Variants in BMPER observed in about 807,000 individuals in gnomAD.
The protein encoded by BMPER is BMP binding endothelial regulator.
BMPER carries 45 observed loss-of-function variants against 87.3 expected under a neutral mutation model. The ratio of observed to expected loss-of-function variants is 0.52; its 90% CI spans 0.41 to 0.66. BMPER has a LOEUF of 0.66. BMPER is among the 30% of genes least tolerant of loss of function. The pLI is 0.00. For synonymous variants in BMPER, 326 were observed against 316.2 expected (o/e 1.03, Z -0.33); for missense variants, 784 against 867.5 (o/e 0.90, Z 1.21).
At chr7:33,960,216 C>T (rs1462744420) in intron 3 of BMPER, among the ~76,000 whole-genome samples, 2 of 152,060 alleles carry the variant, frequency 1.3e-5, no homozygotes, top group Non-Finnish European at 2.9e-5. Flanking sequence ...TCCCATTAGC[C>T]AAAAATAAGC....
At chr7:34,103,312 C>T (rs1359746861) in intron 13 of BMPER, among the ~76,000 whole-genome samples, 1 of 152,186 alleles carries the variant, frequency 6.6e-6, no homozygotes, top group African/African-American at 2.4e-5. Flanking sequence ...GGACCTGGCA[C>T]TTCTGCTCCC....
chr7:34,048,039 T>C, intron 7 of BMPER, among the ~76,000 whole-genome samples: 1 of 151,882 alleles, frequency 6.6e-6, no homozygotes. Context: ...TTTGTGAGAA[T>C]TTTACTGATT....
intron 12 of BMPER, among the ~76,000 whole-genome samples, chr7:34,083,968 A>T (rs1247511619): frequency 6.6e-6 from 1 of 151,706 alleles, no homozygotes; most frequent in Non-Finnish European, 1.5e-5. Context: ...CAAAATGAAA[A>T]ATGTTTTTGT....
chr7:33,927,266 CTTG>C (rs941173101), intron 2 of BMPER, among the ~76,000 whole-genome samples: 3 of 152,156 alleles, frequency 2.0e-5, no homozygotes, highest in Non-Finnish European at 2.9e-5. Context: ...GGCTCTGTGG[CTTG>C]TTGTTGACCC....
intron 13 of BMPER, among the ~76,000 whole-genome samples, chr7:34,140,567 CAG>C (rs1408222652): frequency 6.6e-6 from 1 of 152,170 alleles, no homozygotes; most frequent in Non-Finnish European, 1.5e-5. Context: ...TCTGTGGAGA[CAG>C]AGGGACCTGT....
chr7:33,913,154 G>A (rs1441373006), intron 2 of BMPER, among the ~76,000 whole-genome samples: 3 of 152,290 alleles, frequency 2.0e-5, no homozygotes, highest in South Asian at 2.1e-4. Context: ...ATCTGGGACC[G>A]TGATGTGGGA....
At chr7:34,028,616 T>G (rs1011134015) in intron 6 of BMPER, among the ~76,000 whole-genome samples, 5 of 133,212 alleles carry the variant, frequency 3.8e-5, no homozygotes, top group East Asian at 2.1e-4. Flanking sequence ...TTTTTTTTTT[T>G]TTTTTTTTTT....
intron 6 of BMPER, among the ~76,000 whole-genome samples, chr7:34,002,367 C>T (rs1347411634): frequency 1.3e-5 from 2 of 151,452 alleles, no homozygotes; most frequent in African/African-American, 4.8e-5. Flanking sequence ...ATGATTTTGC[C>T]CAACTGTAGG....
chr7:34,114,080 G>A (rs1236707281), intron 13 of BMPER, among the ~76,000 whole-genome samples: 3 of 152,094 alleles, frequency 2.0e-5, no homozygotes, highest in African/African-American at 7.2e-5. Context: ...AATAAGCTTG[G>A]GTTTCCATTT....
intron 2 of BMPER, among the ~76,000 whole-genome samples, chr7:33,927,824 A>C (rs768342920): frequency 1.3e-5 from 2 of 152,204 alleles, no homozygotes; most frequent in Non-Finnish European, 2.9e-5. Context: ...AATGTGGTTC[A>C]TCATCTTCTA....
chr7:33,985,167 A>G (rs746957318), intron 6 of BMPER, among the ~76,000 whole-genome samples: 1 of 152,262 alleles, frequency 6.6e-6, no homozygotes, highest in African/African-American at 2.4e-5. Flanking sequence ...CAAAAAGCCT[A>G]GATATATTGA....
At chr7:34,104,305 G>C (rs995646539) in intron 13 of BMPER, among the ~76,000 whole-genome samples, 1 of 152,128 alleles carries the variant, frequency 6.6e-6, no homozygotes, top group Non-Finnish European at 1.5e-5. Flanking sequence ...CTTCCCTCAA[G>C]AGAGATAAGC....
chr7:33,919,671 T>G (rs1321679296), intron 2 of BMPER, among the ~76,000 whole-genome samples: 1 of 152,238 alleles, frequency 6.6e-6, no homozygotes, highest in Non-Finnish European at 1.5e-5. Flanking sequence ...ACACATTTAT[T>G]GAGCATTTAT....
intron 6 of BMPER, among the ~76,000 whole-genome samples, chr7:33,994,549 C>A (rs920247969): frequency 5.9e-5 from 9 of 152,172 alleles, no homozygotes; most frequent in African/African-American, 2.2e-4. Flanking sequence ...GAACCCGGTG[C>A]CTCAGATGGA....
At chr7:33,978,632 A>G (rs1378515021) in intron 6 of BMPER, among the ~76,000 whole-genome samples, 1 of 152,184 alleles carries the variant, frequency 6.6e-6, no homozygotes, top group Non-Finnish European at 1.5e-5. Flanking sequence ...TTTAGCAGCA[A>G]GAGGAAGAAA....
At chr7:34,051,447 C>T (rs2127960235) in intron 7 of BMPER, among the ~76,000 whole-genome samples, 1 of 152,288 alleles carries the variant, frequency 6.6e-6, no homozygotes, top group South Asian at 2.1e-4. Flanking sequence ...ATTATATCTT[C>T]CAAGAATTCT....
chr7:33,906,966 A>G (rs1284251255), intron 2 of BMPER, 63 bp downstream of exon 2: 5 of 1,388,124 alleles, frequency 3.6e-6, no homozygotes, highest in Non-Finnish European at 5.1e-6. Flanking sequence ...AATCCATTAA[A>G]TGTGATAATA....
rs79420506 is a variant in BMPER at position 34,011,978 on chromosome 7, G to A, written c.577-34328G>A. ...AGAGTTGAATGTCATGCAGCAGTTG[G>A]GAAAGCCTCAAAATAGCAACAATGA... is the stretch of plus-strand genomic sequence containing the variant. On this transcript the variant is annotated intron_variant, in intron 6 of 14. Coordinates refer to ENST00000649409, the MANE Select transcript of BMPER (RefSeq NM_001365308.1). Among the ~76,000 whole-genome samples the A allele has an allele frequency of 2.6e-3, 397 of 151,898 alleles. 2 individuals carry two copies. Among genetic ancestry groups the A allele is most frequent in the African/African-American group, 9.0e-3 (375 of 41,506 alleles).
chr7:34,102,357 A>G (rs1789703808), intron 13 of BMPER, among the ~76,000 whole-genome samples: 1 of 152,202 alleles, frequency 6.6e-6, no homozygotes, highest in South Asian at 2.1e-4. Flanking sequence ...GAGAAATAAA[A>G]TGAGTTGCTC....
Sources: gnomAD v4.1 joint callset for allele counts (sites outside exome capture counted in the v4.1 genomes callset) on GRCh38, gnomAD v4.1.1 for gene constraint, MANE v1.5 for transcripts, NCBI Gene and HGNC (gene_info 2026-07-23, HGNC 2026-07-21) for gene names.